Variants in MYOM3 observed in about 807,000 individuals in gnomAD.
MYOM3 encodes myomesin-3.
A neutral mutation model predicts 191.7 loss-of-function variants in MYOM3; 155 were observed. The ratio of observed to expected loss-of-function variants is 0.81; its 90% confidence interval spans 0.71 to 0.92. MYOM3 has a LOEUF of 0.92. Ranked by LOEUF, MYOM3 falls within the 40% of genes least tolerant of loss-of-function variation. MYOM3 has a pLI of 0.00. For synonymous variants in MYOM3, 757 were observed against 762.9 expected (o/e 0.99, Z 0.13); for missense variants, 1,889 against 1,890.6 (o/e 1.00, Z 0.02).
chr1:24,087,971 C>G lies in MYOM3; in HGVS notation c.1615-1144G>C, dbSNP rs1034848787. On this transcript the variant is annotated intron_variant, in intron 14 of 36. Transcript: ENST00000374434. The surrounding 1 kb of genome is among the most constrained non-coding windows in gnomAD (Gnocchi z 4.5). The stretch of plus-strand genomic sequence containing the variant: ...GAGGAAAGTCAGGTTCAGAGAGTTT[C>G]GGTAACTTGGCCAAAAGTCCTGCAT... Among the ~76,000 whole-genome samples the G allele has an allele frequency of 6.6e-6, 1 of 152,128 alleles. No homozygotes were observed. Among genetic ancestry groups the G allele is most frequent in the East Asian group, 1.9e-4 (1 of 5,198 alleles).
Position 24,097,939 on chromosome 1 carries a change from G to C in MYOM3, c.729C>G (p.Ala243=). The C allele has an allele frequency of 6.2e-7, 1 of 1,613,274 alleles. No individual in the cohort carries two copies. The highest frequency in any genetic ancestry group is 8.5e-7 in the Non-Finnish European group (1 of 1,179,182). ...AGGACTTACTGCGGACGAGGACTTT[G>C]GCGAAGGAGGAGGCCTGGCCGTGGG... ...KNAHGQASSF[A]KVLVRTYLGK... is the part of the protein sequence containing the mutation. The change falls in exon 7 of 37, where the codon GCC becomes GCG. Residue 243 remains alanine, a synonymous_variant. Transcript: ENST00000374434.
In MYOM3 at chr1:24,082,132, C is replaced by T. The variant is rs200689339; in HGVS notation, c.2149G>A (p.Val717Ile). ...ALLNCGKNEM[V>I]IGWKPPKRRG... Reference sequence around the variant, plus strand: ...CGCTTGGGGGGTTTCCACCCAATGACCATTTCATTCTTCCCGCAGTTCAGG... The same window carrying T: ...CGCTTGGGGGGTTTCCACCCAATGATCATTTCATTCTTCCCGCAGTTCAGG... Residue 717 changes from valine (V) to isoleucine (I), a missense_variant, in exon 18 of 37, where the codon GTC becomes ATC. Coordinates refer to ENST00000374434, the MANE Select transcript of MYOM3 (RefSeq NM_152372.4). 8 of 1,613,608 alleles carry T rather than the reference C, an allele frequency of 5.0e-6. No individual in the cohort carries two copies. The highest frequency in any genetic ancestry group is 1.7e-5 in the Admixed American group (1 of 59,954).
chr1:24,060,126 C>T lies in MYOM3; in HGVS notation c.3994+934G>A, dbSNP rs1261074229. On this transcript the variant is annotated intron_variant, in intron 35 of 36. Transcript: ENST00000374434. Reference sequence around the variant, plus strand: ...GGCTTCTGTTCAGGATGACGCATTCCACTATGGGCAGGGACATTCTCACTG... The same window carrying T: ...GGCTTCTGTTCAGGATGACGCATTCTACTATGGGCAGGGACATTCTCACTG... Among the ~76,000 whole-genome samples, 3 of 152,184 alleles carry T rather than the reference C, an allele frequency of 2.0e-5. No homozygotes were observed. The East Asian group carries it at 5.8e-4, about 29-fold the overall frequency.
intron 25 of MYOM3, among the ~76,000 whole-genome samples, chr1:24,068,732 G>A (rs1643486427): frequency 6.6e-6 from 1 of 151,714 alleles, no homozygotes; most frequent in South Asian, 2.1e-4. Context: ...TTGAGACAGT[G>A]TCTCACTCCA....
Position 24,090,723 on chromosome 1 carries a change from G to T in MYOM3, c.1432+74C>A, listed in dbSNP as rs1028054879. 3 of 1,485,216 alleles carry T rather than the reference G, an allele frequency of 2.0e-6. No individual in the cohort carries two copies. In the African/African-American group the frequency reaches 4.1e-5, roughly 20 times the overall value. The allele number at this position is 1,485,216 out of a possible 1,614,324, so 92.0% of individuals were successfully genotyped here. On this transcript the variant is annotated intron_variant, in intron 12 of 36. Coordinates refer to ENST00000374434, the MANE Select transcript of MYOM3 (RefSeq NM_152372.4). The stretch of plus-strand genomic sequence containing the variant: ...ACTCGGGGCTCCTGAGGGCTGGATT[G>T]TCTCCTGTGTGAGACAGTCCTGAGG...
chr1:24,086,578 T>A (rs1383426871), intron 15 of MYOM3, 66 bp downstream of exon 15: 1 of 1,526,198 alleles, frequency 6.6e-7, no homozygotes, highest in Non-Finnish European at 8.9e-7. Context: ...GCTTTGTCCC[T>A]GCAGCTTCAG....
At chr1:24,083,500 G>T in intron 16 of MYOM3, 1 of 152,654 alleles carries the variant, frequency 6.6e-6, no homozygotes, top group South Asian at 2.0e-4. Context: ...GCAAACAGCC[G>T]GTTGTACGAC....
intron 2 of MYOM3, 49 bp from the exon 3 acceptor site, chr1:24,108,122 G>C: frequency 6.4e-7 from 1 of 1,570,720 alleles, no homozygotes; most frequent in Middle Eastern, 1.7e-4. Flanking sequence ...ATTGGCTGGG[G>C]GCTCCCTGAG....
rs372885112 is a variant in MYOM3, at chr1:24,095,537, C to T, written c.746-51G>A. The T allele has an allele frequency of 3.4e-3, 5,206 of 1,550,412 alleles. 24 individuals are homozygous for T. Among genetic ancestry groups the T allele is most frequent in the Non-Finnish European group, 4.2e-3 (4,795 of 1,130,084 alleles). On this transcript the variant is annotated intron_variant, in intron 7 of 36. Transcript: ENST00000374434. ...TGGAGAAGGTTCAGAGCCCACATTC[C>T]TATGCTATTTTGGGGACATGGGCTT...
chr1:24,076,882 C>T lies in MYOM3; in HGVS notation c.2587-609G>A, dbSNP rs185826558. On this transcript the variant is annotated intron_variant, in intron 20 of 36. Transcript: ENST00000374434. ...TGTCACCCAGGCTGGAGTGCAGTGGCGCAATCTCTGCCCACTGCAACCTCT... is the reference window on the plus strand; with the variant it reads ...TGTCACCCAGGCTGGAGTGCAGTGGTGCAATCTCTGCCCACTGCAACCTCT... Among the ~76,000 whole-genome samples, 102 of 152,036 alleles carry T rather than the reference C, an allele frequency of 6.7e-4. 1 individual carries two copies. The East Asian group carries it at 0.017, about 25-fold the overall frequency.
At position 24,076,172 on chromosome 1, in the gene MYOM3, C is replaced by T. The variant is rs1160766482; in HGVS notation, c.2688G>A (p.Leu896=). The change falls in exon 21 of 37, where the codon CTG becomes CTA. Residue 896 remains leucine, a synonymous_variant. Transcript: ENST00000374434. The stretch of plus-strand genomic sequence containing the variant: ...GGCCACCCCTACCTGGCTTGTCCTC[C>T]AGGAGCACGGGATCAGTGGGCATGG... ...QPSMPTDPVL[L]EDKPGAHEIE... 13 of 1,613,972 alleles carry T rather than the reference C, an allele frequency of 8.1e-6. No individual in the cohort carries two copies. Among genetic ancestry groups the T allele is most frequent in the Non-Finnish European group, 1.1e-5 (13 of 1,179,936 alleles).
intron 23 of MYOM3, 137 bp downstream of exon 23, chr1:24,074,023 A>G: frequency 3.1e-6 from 2 of 637,166 alleles, no homozygotes; most frequent in Non-Finnish European, 5.7e-6. Context: ...GATGGAAAGA[A>G]TGGGTGGGTG....
Position 24,086,648 on chromosome 1 carries a change from C to A in MYOM3, c.1794G>T (p.Pro598=). The change falls in exon 15 of 37, where the codon CCG becomes CCT. Residue 598 remains proline, a synonymous_variant. Coordinates refer to ENST00000374434, the MANE Select transcript of MYOM3 (RefSeq NM_152372.4). The part of the protein sequence containing the change: ...EPSEPIALRG[P]PATLPPPAQV... ...CCCCCGGCATCAGGAGGGTACCTGG[C>A]GGGCCCCGCAAGGCGATGGGTTCGC... 6.2e-7 allele frequency: 1 copy of A among 1,613,004 alleles called. No homozygotes were observed. Among genetic ancestry groups the A allele is most frequent in the Non-Finnish European group, 8.5e-7 (1 of 1,179,390 alleles).
At chr1:24,078,626 T>A (rs1407744020) in intron 20 of MYOM3, among the ~76,000 whole-genome samples, 1 of 152,100 alleles carries the variant, frequency 6.6e-6, no homozygotes, top group East Asian at 1.9e-4. Context: ...CCCAGGAAAA[T>A]GGGCTGGAGA....
At position 24,108,583 on chromosome 1, in the gene MYOM3, G is replaced by A. The variant is rs1166751820; in HGVS notation, c.54C>T (p.Ala18=). The change falls in exon 2 of 37, where the codon GCC becomes GCT. Residue 18 remains alanine, a synonymous_variant. Coordinates refer to ENST00000374434, the MANE Select transcript of MYOM3 (RefSeq NM_152372.4). The part of the protein sequence containing the change: ...GGAGDPRPPQ[A]MEVHRLEHRQ... ...GGTGCTCCAGCCTGTGAACCTCCAT[G>A]GCCTGGGGGGGCCGGGGGTCCCCCG... 5.1e-6 allele frequency: 8 copies of A among 1,570,166 alleles called. No individual in the cohort carries two copies. The East Asian group carries it at 1.9e-4, about 37-fold the overall frequency.
At chr1:24,062,404 C>T (rs74061453) in intron 32 of MYOM3, among the ~76,000 whole-genome samples, 2,313 of 152,264 alleles carry the variant, frequency 0.015, 60 homozygotes, top group African/African-American at 0.053. Flanking sequence ...CTCAGAAACT[C>T]GCTGGGGGAG....
chr1:24,076,289 A>C lies in MYOM3; in HGVS notation c.2587-16T>G. The C allele has an allele frequency of 6.3e-7, 1 of 1,596,670 alleles. No individual in the cohort carries two copies. Among genetic ancestry groups the C allele is most frequent in the Non-Finnish European group, 8.6e-7 (1 of 1,164,212 alleles). On this transcript the variant is annotated splice_polypyrimidine_tract_variant and intron_variant, in intron 20 of 36. Transcript: ENST00000374434. ...AGTCGGAAACCTGGGGGCAGAGGGCAAGAGCCAGCACTGAGGACAGCAGTG... is the reference window on the plus strand; with the variant it reads ...AGTCGGAAACCTGGGGGCAGAGGGCCAGAGCCAGCACTGAGGACAGCAGTG...
intron 23 of MYOM3, 21 bp downstream of exon 23, chr1:24,074,139 G>A (rs757408425): frequency 3.5e-5 from 56 of 1,579,844 alleles, no homozygotes; most frequent in Non-Finnish European, 4.6e-5. Context: ...GAGGTGGCAG[G>A]GAGCGGGGTA....
intron 5 of MYOM3, among the ~76,000 whole-genome samples, chr1:24,105,590 A>C (rs886138434): frequency 2.0e-5 from 3 of 152,172 alleles, no homozygotes; most frequent in Non-Finnish European, 4.4e-5. Context: ...GCTGCGGGGC[A>C]GCTAAGAATA....
Sources: allele counts gnomAD v4.1 joint callset (sites outside exome capture counted in the v4.1 genomes callset), GRCh38; gene constraint gnomAD v4.1.1; non-coding constraint Gnocchi (gnomAD v3.1); transcripts MANE v1.5; gene names NCBI Gene and HGNC (gene_info 2026-07-23, HGNC 2026-07-21).